CSMD3: variants seen among roughly 807,000 people sequenced by gnomAD.
CSMD3 encodes the protein CUB and sushi domain-containing protein 3.
A neutral mutation model predicts 435.2 loss-of-function variants in CSMD3; 177 were observed. That is an observed-to-expected ratio of 0.41 (90% CI 0.36 to 0.46). The LOEUF is 0.46. Ranked by LOEUF, CSMD3 falls within the 20% of genes least tolerant of loss-of-function variation. The pLI, the probability that CSMD3 is intolerant of heterozygous loss-of-function variation, is 0.34. For missense variants in CSMD3, 4,265 were observed against 4,504.6 expected, an observed-to-expected ratio of 0.95 and a Z score of 1.52; for synonymous variants, 1,656 against 1,520.5, an observed-to-expected ratio of 1.09 and a Z score of -2.07.
intron 10 of CSMD3, among the ~76,000 whole-genome samples, chr8:112,891,342 A>C (rs747035990): frequency 1.3e-5 from 2 of 151,682 alleles, no homozygotes; most frequent in African/African-American, 2.4e-5. Context: ...AGCCTCCTTC[A>C]CAACGAGCTG....
chr8:112,791,197 C>G (rs997809737), intron 13 of CSMD3, among the ~76,000 whole-genome samples: 1 of 151,674 alleles, frequency 6.6e-6, no homozygotes. Context: ...GTGGCACGTG[C>G]CTGTTGTCCC....
rs2130577624 is a variant in CSMD3, at chr8:112,281,207, C to T, written c.9475G>A (p.Gly3159Arg). Residue 3159 changes from glycine to arginine, a missense_variant, in exon 59 of 71, where the codon GGA becomes AGA. Gly to Arg is a moderately radical substitution (Grantham distance 125, BLOSUM62 -2). Transcript: ENST00000297405. Reference sequence around the variant, plus strand: ...TTAGGTAAAGTTCCAGACCATGTTCCATTGGCTGTGCACTGTCTAACTGAA... The same window carrying T: ...TTAGGTAAAGTTCCAGACCATGTTCTATTGGCTGTGCACTGTCTAACTGAA... ...GPSVRQCTAN[G>R]TWSGTLPNCT... is the part of the protein sequence containing the mutation. 6.2e-7 allele frequency: 1 copy of T among 1,613,284 alleles called. No homozygotes were observed. Among genetic ancestry groups the T allele is most frequent in the Admixed American group, 1.7e-5 (1 of 59,968 alleles).
intron 32 of CSMD3, among the ~76,000 whole-genome samples, chr8:112,460,927 T>C (rs1204206934): frequency 6.6e-6 from 1 of 152,146 alleles, no homozygotes; most frequent in Non-Finnish European, 1.5e-5. Context: ...AGATTTTTAG[T>C]GTGTGATGTG....
intron 24 of CSMD3, among the ~76,000 whole-genome samples, chr8:112,566,399 A>T (rs1430544155): frequency 6.6e-6 from 1 of 152,026 alleles, no homozygotes; most frequent in Non-Finnish European, 1.5e-5. Context: ...TGTAATTCTT[A>T]TATTGAACAT....
At chr8:112,297,634 G>A (rs1586692740) in intron 53 of CSMD3, among the ~76,000 whole-genome samples, 3 of 151,922 alleles carry the variant, frequency 2.0e-5, no homozygotes, top group Admixed American at 2.0e-4. Flanking sequence ...ATACAAAGAA[G>A]AAAAACAGCA....
intron 19 of CSMD3, among the ~76,000 whole-genome samples, chr8:112,647,735 C>G (rs1297765935): frequency 6.6e-6 from 1 of 152,180 alleles, no homozygotes; most frequent in Admixed American, 6.5e-5. Context: ...AATTCTCCAT[C>G]ATCATCATCA....
At chr8:112,607,408 A>C (rs1832885410) in intron 22 of CSMD3, among the ~76,000 whole-genome samples, 1 of 152,092 alleles carries the variant, frequency 6.6e-6, no homozygotes, top group African/African-American at 2.4e-5. Flanking sequence ...TTAACATTTA[A>C]AGAATAATTA....
At chr8:112,327,261 G>C (rs1272037617) in intron 45 of CSMD3, among the ~76,000 whole-genome samples, 3 of 151,950 alleles carry the variant, frequency 2.0e-5, no homozygotes, top group Non-Finnish European at 2.9e-5. Flanking sequence ...TATATGCTTT[G>C]GTTACTCAGG....
chr8:113,408,265 T>A (rs555203691), intron 1 of CSMD3, among the ~76,000 whole-genome samples: 22 of 152,330 alleles, frequency 1.4e-4, no homozygotes, highest in African/African-American at 5.3e-4. Flanking sequence ...TGTTCACTAT[T>A]GTTATAATGT....
intron 38 of CSMD3, among the ~76,000 whole-genome samples, chr8:112,355,724 T>A (rs1167057086): frequency 2.0e-5 from 3 of 151,868 alleles, no homozygotes; most frequent in Non-Finnish European, 4.4e-5. Context: ...TCCCAGCTAC[T>A]CGGGAGGCTG....
chr8:113,093,737 A>G (rs1164535579), intron 5 of CSMD3, among the ~76,000 whole-genome samples: 1 of 152,138 alleles, frequency 6.6e-6, no homozygotes, highest in African/African-American at 2.4e-5. Flanking sequence ...TGTTAGTTTA[A>G]ATCTAAATGT....
At chr8:113,256,050 T>C (rs1431614864) in intron 3 of CSMD3, among the ~76,000 whole-genome samples, 4 of 151,830 alleles carry the variant, frequency 2.6e-5, no homozygotes, top group African/African-American at 9.7e-5. Context: ...TTTACTCAAA[T>C]GAAGAGAAAT....
chr8:113,324,645 A>C (rs2132725151), intron 1 of CSMD3, among the ~76,000 whole-genome samples: 1 of 152,306 alleles, frequency 6.6e-6, no homozygotes, highest in African/African-American at 2.4e-5. Context: ...AGTGCGGATA[A>C]GAAATGTGGT....
chr8:112,846,335 T>C (rs1360597735), intron 11 of CSMD3, among the ~76,000 whole-genome samples: 3 of 150,872 alleles, frequency 2.0e-5, no homozygotes, highest in Non-Finnish European at 3.0e-5. Flanking sequence ...TTTCTCTTTT[T>C]CTTTCTTTCT....
chr8:112,478,473 G>T (rs1819291257), intron 31 of CSMD3, among the ~76,000 whole-genome samples: 1 of 152,278 alleles, frequency 6.6e-6, no homozygotes, highest in Admixed American at 6.5e-5. Context: ...TTGGAGCAAA[G>T]GTCACCTGTA....
At chr8:113,288,843 G>A (rs1407851249) in intron 2 of CSMD3, among the ~76,000 whole-genome samples, 2 of 151,844 alleles carry the variant, frequency 1.3e-5, no homozygotes, top group African/African-American at 4.8e-5. Context: ...GGGATAAGAT[G>A]AGGTAAATAC....
chr8:112,598,152 T>G (rs933086705), intron 22 of CSMD3, among the ~76,000 whole-genome samples: 2 of 142,496 alleles, frequency 1.4e-5, no homozygotes, highest in East Asian at 4.1e-4. Context: ...CTTAAGCTGA[T>G]AAGCAACTTC....
chr8:113,408,783 G>C (rs2094544530), intron 1 of CSMD3, among the ~76,000 whole-genome samples: 1 of 151,578 alleles, frequency 6.6e-6, no homozygotes, highest in Non-Finnish European at 1.5e-5. Context: ...TTCTGTCTCA[G>C]CCTCCCGAGT....
chr8:112,310,982 A>G lies in CSMD3; in HGVS notation c.7881T>C (p.Cys2627=). ...TTTTGGCATAATATACTTCACCTTG[A>G]CAGGCAGGGACTGGCGCATCCCATG... The part of the protein sequence containing the change: ...YHAWDAPVPA[C]QAISCGIPKA... The change falls in exon 50 of 71, where the codon TGT becomes TGC. Residue 2627 remains cysteine (C), a synonymous_variant. Coordinates refer to ENST00000297405, the MANE Select transcript of CSMD3 (RefSeq NM_198123.2). The G allele has an allele frequency of 6.2e-7, 1 of 1,613,640 alleles. No individual in the cohort carries two copies. The highest frequency in any genetic ancestry group is 8.5e-7 in the Non-Finnish European group (1 of 1,179,566).
Sources: gnomAD v4.1 joint callset for allele counts (sites outside exome capture counted in the v4.1 genomes callset) on GRCh38, gnomAD v4.1.1 for gene constraint, MANE v1.5 for transcripts, NCBI Gene and HGNC (gene_info 2026-07-23, HGNC 2026-07-21) for gene names.